NALCN: variants seen among roughly 807,000 people sequenced by gnomAD.
NALCN encodes sodium leak channel, non-selective.
NALCN carries 111 observed loss-of-function variants against 225.3 expected under a neutral mutation model. That is an observed-to-expected ratio of 0.49 (90% CI 0.42 to 0.58). The LOEUF (loss-of-function observed/expected upper bound fraction) is 0.58, where lower values mean the gene tolerates loss of function less well. Among genes scored for constraint, NALCN ranks in the 20% least tolerant of loss-of-function variants. NALCN has a pLI of 0.00. For synonymous variants in NALCN, 764 were observed against 769.0 expected, an observed-to-expected ratio of 0.99 and a Z score of 0.11; for missense variants, 1,378 against 2,202.4, an observed-to-expected ratio of 0.63 and a Z score of 7.49.
At position 101,215,778 on chromosome 13, in the gene NALCN, A is replaced by G. The variant is rs577608270; in HGVS notation, c.1626+13615T>C. 3.4e-4 allele frequency among the ~76,000 whole-genome samples: 52 copies of G among 152,218 alleles called. 1 individual carries two copies. The highest frequency in any genetic ancestry group is 1.2e-3 in the African/African-American group (50 of 41,538). ...GTGCAGGTTTGTTACATATGTATAC[A>G]TGTGCCACGTTGGTGTGCTGCACCC... On this transcript the variant is annotated intron_variant, in intron 13 of 43. Transcript: ENST00000251127.
chr13:101,120,520 T>TAAAA (rs34604121), intron 18 of NALCN, among the ~76,000 whole-genome samples: 1 of 139,074 alleles, frequency 7.2e-6, no homozygotes. Flanking sequence ...ATGCCAAACT[T>TAAAA]AAAAAAAAAA....
At chr13:101,081,735 T>C (rs750807463) in intron 33 of NALCN, 89 bp from the exon 34 acceptor site, 63 of 1,483,828 alleles carry the variant, frequency 4.2e-5, no homozygotes, top group Non-Finnish European at 5.3e-5. Flanking sequence ...TGTGTATGTA[T>C]TTTTTTCAAA....
chr13:101,107,260 G>A (rs1158152958), intron 22 of NALCN, among the ~76,000 whole-genome samples: 2 of 152,166 alleles, frequency 1.3e-5, no homozygotes, highest in East Asian at 3.8e-4. Context: ...AAACGAAAAT[G>A]GCTGTTTTGT....
At position 101,107,590 on chromosome 13, in the gene NALCN, G is replaced by A; in HGVS notation, c.2476C>T (p.Leu826Phe). The A allele has an allele frequency of 6.2e-7, 1 of 1,614,114 alleles. No individual in the cohort carries two copies. Among genetic ancestry groups the A allele is most frequent in the Non-Finnish European group, 8.5e-7 (1 of 1,179,968 alleles). The change falls in exon 22 of 44, where the codon CTC becomes TTC. Residue 826 changes from leucine (L) to phenylalanine (F), a missense_variant. Physicochemically the swap from Leu to Phe is conservative, Grantham distance 22. Transcript: ENST00000251127. ...TCGAAGTATGGGTGGTTCTCTCTGA[G>A]TTCCTCTTCTTGCACTTTCCTTGAA... ...EMKRKVQEEE[L>F]RENHPYFDKP...
chr13:101,231,686 ATTGAG>A (rs2041354676), intron 12 of NALCN, among the ~76,000 whole-genome samples: 1 of 152,214 alleles, frequency 6.6e-6, no homozygotes, highest in African/African-American at 2.4e-5. Context: ...TCAATAAGAG[ATTGAG>A]TTGTCTGTTA....
At chr13:101,372,702 C>G (rs1227513712) in intron 6 of NALCN, among the ~76,000 whole-genome samples, 1 of 151,922 alleles carries the variant, frequency 6.6e-6, no homozygotes, top group Non-Finnish European at 1.5e-5. Context: ...GAGGCTAAAA[C>G]AGTGCTTAGA....
intron 18 of NALCN, chr13:101,116,396 A>T (rs2035712040): frequency 2.9e-6 from 1 of 340,818 alleles, no homozygotes; most frequent in Non-Finnish European, 5.8e-6. Context: ...TTTTCTTGAC[A>T]TTTCTCCATC....
chr13:101,368,512 C>T (rs1273980919), intron 6 of NALCN: 2 of 152,112 alleles, frequency 1.3e-5, no homozygotes, highest in East Asian at 3.9e-4. Context: ...AGTTTAGAGG[C>T]TACAAAAGGA....
chr13:101,107,469 G>A lies in NALCN; in HGVS notation c.2579+18C>T. ...CATGGCTCAGGCCAAACACCTGGCT[G>A]AAATGAAGTGTACTTACGCGTTGAA... On this transcript the variant is annotated intron_variant, in intron 22 of 43. Transcript: ENST00000251127. 1.2e-6 allele frequency: 2 copies of A among 1,613,812 alleles called. No individual in the cohort carries two copies. The highest frequency in any genetic ancestry group is 1.7e-6 in the Non-Finnish European group (2 of 1,179,854).
intron 6 of NALCN, among the ~76,000 whole-genome samples, chr13:101,356,914 A>G (rs914135970): frequency 6.6e-6 from 1 of 152,220 alleles, no homozygotes; most frequent in African/African-American, 2.4e-5. Flanking sequence ...AATTCATCAC[A>G]TAAACAGAAC....
chr13:101,161,745 G>A (rs556727075), intron 15 of NALCN, among the ~76,000 whole-genome samples: 13 of 152,244 alleles, frequency 8.5e-5, no homozygotes, highest in South Asian at 4.2e-4. Flanking sequence ...GGTGGCGCAC[G>A]CCTGTAATCC....
chr13:101,331,366 T>C (rs971844107), intron 7 of NALCN, among the ~76,000 whole-genome samples: 4 of 152,064 alleles, frequency 2.6e-5, no homozygotes, highest in African/African-American at 7.2e-5. Context: ...CAGAATTAGA[T>C]AGAAATATTA....
intron 28 of NALCN, among the ~76,000 whole-genome samples, chr13:101,094,692 C>T (rs1157463425): frequency 6.6e-6 from 1 of 151,842 alleles, no homozygotes; most frequent in African/African-American, 2.4e-5. Flanking sequence ...AAATAAAAAC[C>T]CAATATGCAT....
At chr13:101,413,448 T>C (rs995086610) in intron 1 of NALCN, among the ~76,000 whole-genome samples, 1 of 152,106 alleles carries the variant, frequency 6.6e-6, no homozygotes, top group Non-Finnish European at 1.5e-5. Flanking sequence ...GATAGAGGTA[T>C]GGTTAAATAT....
intron 7 of NALCN, among the ~76,000 whole-genome samples, chr13:101,310,600 C>T (rs518657): frequency 0.68 from 102,933 of 151,902 alleles, 35,273 homozygotes; most frequent in East Asian, 0.79. Context: ...CTTATTACTA[C>T]GTAGCATGCT....
rs1268783637 is a variant in NALCN, at chr13:101,395,194, C to T, written c.280G>A (p.Gly94Ser). ...ATGGAAGTGCTCACCTTGACAATGC[C>T]CCGGATGTGCATTTTTGCTATCATC... The part of the protein sequence containing the change: ...AEMIAKMHIR[G>S]IVKGDSSYVK... Residue 94 changes from glycine (G) to serine (S), a missense_variant, in exon 3 of 44, where the codon GGC (glycine) becomes AGC (serine). Physicochemically the swap from Gly to Ser is moderately conservative, Grantham distance 56. Around this residue, in one of 19 missense-constraint regions of NALCN, gnomAD observed 146 missense variants for 205.9 expected, o/e 0.71. Transcript: ENST00000251127. 1 of 1,612,166 alleles carries T rather than the reference C, an allele frequency of 6.2e-7. No individual in the cohort carries two copies.
intron 13 of NALCN, among the ~76,000 whole-genome samples, chr13:101,201,882 T>C (rs941968903): frequency 6.6e-6 from 1 of 152,190 alleles, no homozygotes; most frequent in Non-Finnish European, 1.5e-5. Context: ...CTTGATGATT[T>C]ATATAGTAGC....
intron 6 of NALCN, among the ~76,000 whole-genome samples, chr13:101,358,994 A>G (rs2046144818): frequency 6.6e-6 from 1 of 152,020 alleles, no homozygotes; most frequent in Non-Finnish European, 1.5e-5. Flanking sequence ...GAGTTGAACA[A>G]TGAGAACATA....
At chr13:101,321,319 A>G (rs2044740035) in intron 7 of NALCN, among the ~76,000 whole-genome samples, 1 of 152,194 alleles carries the variant, frequency 6.6e-6, no homozygotes, top group Admixed American at 6.5e-5. Context: ...GTAGAAGAAA[A>G]AAACCTGAGT....
Sources: allele counts gnomAD v4.1 joint callset (sites outside exome capture counted in the v4.1 genomes callset), GRCh38; gene constraint gnomAD v4.1.1; regional missense constraint gnomAD v4.1.1; transcripts MANE v1.5; gene names NCBI Gene and HGNC (gene_info 2026-07-23, HGNC 2026-07-21).